Variants in TMEM200A observed in about 807,000 individuals in gnomAD.
TMEM200A encodes transmembrane protein 200A.
In TMEM200A, 12 loss-of-function variants were observed where a neutral mutation model predicts 24.3. The observed-to-expected ratio is 0.49, with a 90% confidence interval of 0.32 to 0.80. The LOEUF is 0.80. Among genes scored for constraint, TMEM200A ranks in the 30% least tolerant of loss-of-function variants. The pLI is 0.04. For missense variants in TMEM200A, 545 were observed against 614.4 expected (o/e 0.89, Z 1.19); for synonymous variants, 224 against 224.4 (o/e 1.00, Z 0.02).
chr6:130,368,501 T>C (rs906289398), intron 1 of TMEM200A, among the ~76,000 whole-genome samples: 1 of 152,198 alleles, frequency 6.6e-6, no homozygotes, highest in Admixed American at 6.5e-5. Context: ...TGCAATGAGA[T>C]GGACCTCATT....
rs551712961 is a variant in TMEM200A at position 130,380,928 on chromosome 6, A to G, written c.-80-4245A>G. Among the ~76,000 whole-genome samples the G allele has an allele frequency of 3.5e-3, 529 of 152,320 alleles. 2 individuals are homozygous for G. Among genetic ancestry groups the G allele is most frequent in the African/African-American group, 0.012 (508 of 41,576 alleles). On this transcript the variant is annotated intron_variant, in intron 1 of 2. Transcript: ENST00000296978. ...TTTGAGCCCAGGAATTCAAGGCTGCAGAAAGCTGTGATCGTGCCACTGCAC... is the reference window on the plus strand; with the variant it reads ...TTTGAGCCCAGGAATTCAAGGCTGCGGAAAGCTGTGATCGTGCCACTGCAC...
intron 2 of TMEM200A, among the ~76,000 whole-genome samples, chr6:130,395,537 C>T (rs80208031): frequency 0.018 from 2,777 of 152,204 alleles, 23 homozygotes; most frequent in Non-Finnish European, 0.027. Context: ...GAAAATGTTT[C>T]GGGTATGGTT....
In TMEM200A at chr6:130,395,117, A is replaced by T. The variant is rs574164132; in HGVS notation, c.-17+9881A>T. Among the ~76,000 whole-genome samples, 15 of 152,314 alleles carry T rather than the reference A, an allele frequency of 9.8e-5. No individual in the cohort carries two copies. In the South Asian group the frequency reaches 2.9e-3, roughly 29 times the overall value. ...TATGTATTAGGTCTACTCAATACCT[A>T]TCTTCATAGCTCCTTCCTGCATATA... On this transcript the variant is annotated intron_variant, in intron 2 of 2. Transcript: ENST00000296978.
At chr6:130,373,707 A>G (rs894442960) in intron 1 of TMEM200A, among the ~76,000 whole-genome samples, 3 of 152,152 alleles carry the variant, frequency 2.0e-5, no homozygotes, top group Non-Finnish European at 2.9e-5. Context: ...TCCATTTTAT[A>G]TATGTTTATC....
In TMEM200A at chr6:130,440,632, C is replaced by T; in HGVS notation, c.210C>T (p.Leu70=). The T allele has an allele frequency of 6.2e-7, 1 of 1,613,842 alleles. No individual in the cohort carries two copies. The highest frequency in any genetic ancestry group is 8.5e-7 in the Non-Finnish European group (1 of 1,179,808). ...PSGFFLILGV[L]ISIIGIAMAV... ...GTTTTTTTCTTATTTTAGGAGTGCT[C>T]ATCTCCATTATAGGAATTGCTATGG... Residue 70 remains leucine (L), a synonymous_variant, in exon 3 of 3, where the codon CTC becomes CTT. Coordinates refer to ENST00000296978, the MANE Select transcript of TMEM200A (RefSeq NM_001258277.2).
At chr6:130,400,963 C>T (rs1189270783) in intron 2 of TMEM200A, among the ~76,000 whole-genome samples, 1 of 152,048 alleles carries the variant, frequency 6.6e-6, no homozygotes, top group Admixed American at 6.6e-5. Flanking sequence ...ATGGACCTTA[C>T]ATCTAGGTCT....
chr6:130,365,798 G>A (rs927251641), upstream of TMEM200A: 2 of 985,366 alleles, frequency 2.0e-6, no homozygotes, highest in Admixed American at 6.1e-5. Flanking sequence ...GCCGGGACGC[G>A]GATCGGCCGG....
rs1778685741 is a variant in TMEM200A, at chr6:130,385,240, A to T, written c.-17+4A>T. ...CCTGGGACATCTGGCTCTGGAGGTGAGCGACAGCAGGGAATGACGTCAGGG... is the reference window on the plus strand; with the variant it reads ...CCTGGGACATCTGGCTCTGGAGGTGTGCGACAGCAGGGAATGACGTCAGGG... On this transcript the variant is annotated splice_donor_region_variant and intron_variant, in intron 2 of 2. Coordinates refer to ENST00000296978, the MANE Select transcript of TMEM200A (RefSeq NM_001258277.2). The T allele has an allele frequency of 6.6e-6, 1 of 152,332 alleles. No individual in the cohort carries two copies. The highest frequency in any genetic ancestry group is 2.4e-5 in the African/African-American group (1 of 41,572). 9.4% of individuals were successfully genotyped at this position (152,332 alleles called of 1,614,324 possible).
At chr6:130,421,363 T>C (rs981306967) in intron 2 of TMEM200A, 1 of 152,212 alleles carries the variant, frequency 6.6e-6, no homozygotes, top group Non-Finnish European at 1.5e-5. Flanking sequence ...TCTCAGGTAC[T>C]GGTTTTACTT....
At chr6:130,410,306 T>C (rs975582514) in intron 2 of TMEM200A, among the ~76,000 whole-genome samples, 1 of 152,174 alleles carries the variant, frequency 6.6e-6, no homozygotes, top group Admixed American at 6.5e-5. Context: ...AAGAGACAAC[T>C]AAAGGGCCAA....
chr6:130,384,932 CATTT>C (rs1177625531), intron 1 of TMEM200A, among the ~76,000 whole-genome samples: 1 of 152,124 alleles, frequency 6.6e-6, no homozygotes, highest in East Asian at 1.9e-4. Flanking sequence ...ATTTGGAGTA[CATTT>C]ATTATCTTTT....
In TMEM200A at chr6:130,366,258, G is replaced by C; in HGVS notation, c.-347G>C. ...CCGGTGCCCCCCCGGCGCGGGCATAGGGGCGCCCCCACCCTCCGTCCGCTT... is the reference window on the plus strand; with the variant it reads ...CCGGTGCCCCCCCGGCGCGGGCATACGGGCGCCCCCACCCTCCGTCCGCTT... On this transcript the variant is annotated 5_prime_UTR_variant, in exon 1 of 3. It removes the in-frame stop codon of an upstream open reading frame in the 5' UTR. Coordinates refer to ENST00000296978, the MANE Select transcript of TMEM200A (RefSeq NM_001258277.2). This position sits in a 1 kb window ranked among gnomAD's most constrained non-coding sequence, Gnocchi z 4.4. 2 of 985,336 alleles carry C rather than the reference G, an allele frequency of 2.0e-6. No homozygotes were observed. Among genetic ancestry groups the C allele is most frequent in the African/African-American group, 1.7e-5 (1 of 57,318 alleles). 61.0% of individuals were successfully genotyped at this position (985,336 alleles called of 1,614,324 possible). A position where few individuals can be genotyped will look rare whatever the true frequency, so the allele number is the denominator to read the frequency against.
chr6:130,388,135 G>A (rs776973295), intron 2 of TMEM200A, among the ~76,000 whole-genome samples: 52 of 152,106 alleles, frequency 3.4e-4, no homozygotes, highest in Middle Eastern at 6.8e-3. Flanking sequence ...TTCCTGCATC[G>A]GTTTTAGAAA....
At chr6:130,422,801 C>T (rs962016486) in intron 2 of TMEM200A, among the ~76,000 whole-genome samples, 37 of 152,262 alleles carry the variant, frequency 2.4e-4, no homozygotes, top group African/African-American at 8.7e-4. Flanking sequence ...CATTTGGACC[C>T]TTTCAACCAA....
chr6:130,381,949 A>G, intron 1 of TMEM200A: 1 of 985,436 alleles, frequency 1.0e-6, no homozygotes, highest in Non-Finnish European at 1.2e-6. Context: ...ACTCCAGAAC[A>G]CACTGCCATC....
chr6:130,385,181 G>A lies in TMEM200A; in HGVS notation c.-72G>A, dbSNP rs879110491. Reference sequence around the variant, plus strand: ...AATTCTTAATTTCTTAGCACACAGAGCCGCTGAAAACGACTGAAGAGAGCA... The same window carrying A: ...AATTCTTAATTTCTTAGCACACAGAACCGCTGAAAACGACTGAAGAGAGCA... On this transcript the variant is annotated 5_prime_UTR_variant, in exon 2 of 3. Transcript: ENST00000296978. 1 of 152,220 alleles carries A rather than the reference G, an allele frequency of 6.6e-6. No homozygotes were observed. Among genetic ancestry groups the A allele is most frequent in the Admixed American group, 6.5e-5 (1 of 15,272 alleles). The allele number at this position is 152,220 out of a possible 1,614,324, so 9.4% of individuals were successfully genotyped here.
At chr6:130,402,154 T>A (rs1779104469) in intron 2 of TMEM200A, among the ~76,000 whole-genome samples, 1 of 151,800 alleles carries the variant, frequency 6.6e-6, no homozygotes, top group Non-Finnish European at 1.5e-5. Flanking sequence ...ATTGCTTTTA[T>A]GGGAGAAATA....
intron 2 of TMEM200A, among the ~76,000 whole-genome samples, chr6:130,440,010 C>T (rs148253790): frequency 6.7e-6 from 1 of 149,948 alleles, no homozygotes; most frequent in Non-Finnish European, 1.5e-5. Flanking sequence ...ACAGATAACT[C>T]TGTGTGTGTG....
At chr6:130,365,940 C>T (rs1778127393), upstream of TMEM200A, 3 of 983,812 alleles carry the variant, frequency 3.0e-6, no homozygotes, top group Non-Finnish European at 3.6e-6. Flanking sequence ...CAGCCACGCC[C>T]CTGGAAGTCC....
Sources: allele counts gnomAD v4.1 joint callset (sites outside exome capture counted in the v4.1 genomes callset), GRCh38; gene constraint gnomAD v4.1.1; non-coding constraint Gnocchi (gnomAD v3.1); transcripts MANE v1.5; gene names NCBI Gene and HGNC (gene_info 2026-07-23, HGNC 2026-07-21).